Variants in ST8SIA1 observed in about 807,000 individuals in gnomAD.
The protein encoded by ST8SIA1 is ST8 alpha-N-acetyl-neuraminide alpha-2,8-sialyltransferase 1.
In ST8SIA1, 16 loss-of-function variants were observed where a neutral mutation model predicts 35.9. The ratio of observed to expected loss-of-function variants is 0.45; its 90% confidence interval spans 0.30 to 0.68. The LOEUF is 0.68. Ranked by LOEUF, ST8SIA1 falls within the 30% of genes least tolerant of loss-of-function variation. The pLI, the probability that ST8SIA1 is intolerant of heterozygous loss-of-function variation, is 0.09. For missense variants in ST8SIA1, 383 were observed against 453.6 expected, an observed-to-expected ratio of 0.84 and a Z score of 1.41; for synonymous variants, 170 against 169.6, an observed-to-expected ratio of 1.00 and a Z score of -0.02.
intron 1 of ST8SIA1, among the ~76,000 whole-genome samples, chr12:22,311,398 C>T (rs1866448163): frequency 2.6e-5 from 4 of 151,996 alleles, no homozygotes; most frequent in Admixed American, 6.6e-5. Context: ...AACTGAGAAT[C>T]GAAGGACTAG....
intron 1 of ST8SIA1, among the ~76,000 whole-genome samples, chr12:22,303,803 C>T (rs1225127878): frequency 1.3e-5 from 2 of 150,290 alleles, no homozygotes; most frequent in Admixed American, 1.3e-4. Flanking sequence ...GAAAAGGCCT[C>T]TGAAGTGGCT....
At chr12:22,214,022 C>A (rs1478377373) in intron 4 of ST8SIA1, among the ~76,000 whole-genome samples, 1 of 152,042 alleles carries the variant, frequency 6.6e-6, no homozygotes, top group East Asian at 1.9e-4. Context: ...ATATGTAACA[C>A]AATAGGAGAA....
chr12:22,316,229 C>A (rs1866518447), intron 1 of ST8SIA1, among the ~76,000 whole-genome samples: 1 of 151,968 alleles, frequency 6.6e-6, no homozygotes, highest in Admixed American at 6.6e-5. Context: ...AAAATTCTGA[C>A]AAAGAAACAG....
At chr12:22,211,358 C>T (rs1046648562) in intron 4 of ST8SIA1, among the ~76,000 whole-genome samples, 1 of 152,168 alleles carries the variant, frequency 6.6e-6, no homozygotes, top group African/African-American at 2.4e-5. Context: ...GGGGGTGGGG[C>T]TAAAAGTCTC....
In ST8SIA1 at chr12:22,260,874, G is replaced by GTT. The variant is rs757887864; in HGVS notation, c.382-5487_382-5486dup. Among the ~76,000 whole-genome samples the GTT allele has an allele frequency of 5.1e-3, 581 of 114,318 alleles. 25 individuals are homozygous for GTT. The highest frequency in any genetic ancestry group is 0.01 in the African/African-American group (302 of 29,406). The allele number at this position is 114,318 out of a possible 152,430, so 75.0% of individuals were successfully genotyped here. A position where few individuals can be genotyped will look rare whatever the true frequency, so the allele number is the denominator to read the frequency against. On this transcript the variant is annotated intron_variant, in intron 2 of 4. Transcript: ENST00000396037. Reference sequence around the variant, plus strand: ...AATTTCAAAGATTTATATAGTTGTTGTTTTTTTTTTTTTTTTTTTTGAGAC... The same window carrying GTT: ...AATTTCAAAGATTTATATAGTTGTTGTTTTTTTTTTTTTTTTTTTTTTGAGAC...
intron 2 of ST8SIA1, among the ~76,000 whole-genome samples, chr12:22,266,748 G>A (rs891663348): frequency 6.6e-6 from 1 of 151,966 alleles, no homozygotes; most frequent in Non-Finnish European, 1.5e-5. Context: ...AGTGAGCTAT[G>A]ATTGTGCCAC....
intron 1 of ST8SIA1, among the ~76,000 whole-genome samples, chr12:22,313,792 G>A (rs1388614679): frequency 2.0e-5 from 3 of 152,168 alleles, no homozygotes; most frequent in Admixed American, 1.3e-4. Context: ...GCAGGAAGGT[G>A]CCCCAGGCCA....
intron 3 of ST8SIA1, among the ~76,000 whole-genome samples, chr12:22,253,604 G>C (rs1172006455): frequency 1.3e-5 from 2 of 152,170 alleles, no homozygotes; most frequent in South Asian, 2.1e-4. Context: ...CTATAGAATT[G>C]TTCAACGCAC....
intron 2 of ST8SIA1, among the ~76,000 whole-genome samples, chr12:22,256,701 T>A (rs1865731897): frequency 6.6e-6 from 1 of 152,196 alleles, no homozygotes; most frequent in Admixed American, 6.5e-5. Flanking sequence ...TTTATTCCTT[T>A]GATTTCTAGT....
At chr12:22,250,354 T>C (rs1381009620) in intron 3 of ST8SIA1, among the ~76,000 whole-genome samples, 1 of 152,190 alleles carries the variant, frequency 6.6e-6, no homozygotes, top group Non-Finnish European at 1.5e-5. Context: ...TTCCCCAACC[T>C]TGATGTGTAC....
chr12:22,258,914 G>C (rs1395570745), intron 2 of ST8SIA1, among the ~76,000 whole-genome samples: 1 of 152,044 alleles, frequency 6.6e-6, no homozygotes, highest in Non-Finnish European at 1.5e-5. Context: ...TCCAAACTGT[G>C]GAACTATGGA....
chr12:22,333,973 GAGGAGCCGCGAGGGC>G lies in ST8SIA1; in HGVS notation c.236+9_236+23del. ...TCGGGGAGGAAAGGACGCTAGAGGG[GAGGAGCCGCGAGGGC>G]AGGAGTACCTGAACGCTCTGGCCGC... On this transcript the variant is annotated intron_variant, in intron 1 of 4. Transcript: ENST00000396037. The G allele has an allele frequency of 6.2e-7, 1 of 1,605,304 alleles. No homozygotes were observed.
chr12:22,203,618 G>C (rs544961209), intron 4 of ST8SIA1, among the ~76,000 whole-genome samples: 1 of 152,036 alleles, frequency 6.6e-6, no homozygotes, highest in Non-Finnish European at 1.5e-5. Flanking sequence ...GTAATAACAG[G>C]GTCTTTAGGT....
At chr12:22,295,318 G>A (rs1273450582) in intron 1 of ST8SIA1, among the ~76,000 whole-genome samples, 4 of 152,140 alleles carry the variant, frequency 2.6e-5, no homozygotes, top group Non-Finnish European at 5.9e-5. Context: ...TCCTGGCTGG[G>A]TCTGAGAATT....
At chr12:22,324,155 T>G (rs577509249) in intron 1 of ST8SIA1, among the ~76,000 whole-genome samples, 1 of 152,332 alleles carries the variant, frequency 6.6e-6, no homozygotes, top group African/African-American at 2.4e-5. Context: ...TTTAATGATA[T>G]TCATATGACA....
rs1865046472 is a variant in ST8SIA1 at position 22,201,390 on chromosome 12, G to A, written c.*162C>T. ...GTTTCATTTCTTATTTGTCCTCCAA[G>A]CCAACGCTGAAAGTAAAGTTTTGCT... is the stretch of plus-strand genomic sequence containing the variant. On this transcript the variant is annotated 3_prime_UTR_variant, in exon 5 of 5. Coordinates refer to ENST00000396037, the MANE Select transcript of ST8SIA1 (RefSeq NM_003034.4). The A allele has an allele frequency of 6.3e-6, 6 of 949,556 alleles. No individual in the cohort carries two copies. Among genetic ancestry groups the A allele is most frequent in the Non-Finnish European group, 9.2e-6 (6 of 654,924 alleles). The allele number at this position is 949,556 out of a possible 1,614,324, so 58.8% of individuals were successfully genotyped here. A position where few individuals can be genotyped will look rare whatever the true frequency, so the allele number is the denominator to read the frequency against.
rs66861803 is a variant in ST8SIA1, at chr12:22,195,212, A to AAAAAAAG, written c.*6339_*6340insCTTTTTT. 2 of 127,262 alleles carry AAAAAAAG rather than the reference A, an allele frequency of 1.6e-5. No individual in the cohort carries two copies. The highest frequency in any genetic ancestry group is 3.0e-5 in the African/African-American group (1 of 33,666). The allele number at this position is 127,262 out of a possible 1,614,324, so 7.9% of individuals were successfully genotyped here. ...ACAAAAAAAAAAAAAAAAAAAAAAAAGAAAGAAAGAAAGAAAGGAAAAAGA... is the reference window on the plus strand; with the variant it reads ...ACAAAAAAAAAAAAAAAAAAAAAAAAAAAAAAGGAAAGAAAGAAAGAAAGGAAAAAGA... On this transcript the variant is annotated 3_prime_UTR_variant, in exon 5 of 5. Coordinates refer to ENST00000396037, the MANE Select transcript of ST8SIA1 (RefSeq NM_003034.4).
chr12:22,226,087 C>G (rs1865354419), intron 4 of ST8SIA1, among the ~76,000 whole-genome samples: 1 of 152,164 alleles, frequency 6.6e-6, no homozygotes, highest in South Asian at 2.1e-4. Flanking sequence ...ATTTGACTCT[C>G]AGCTGTAGTG....
chr12:22,260,880 T>TG (rs1338931375), intron 2 of ST8SIA1, among the ~76,000 whole-genome samples: 1 of 146,974 alleles, frequency 6.8e-6, no homozygotes, highest in South Asian at 2.2e-4. Context: ...TGTTGTTTTT[T>TG]TTTTTTTTTT....
Sources: gnomAD v4.1 joint callset for allele counts (sites outside exome capture counted in the v4.1 genomes callset) on GRCh38, gnomAD v4.1.1 for gene constraint, MANE v1.5 for transcripts, NCBI Gene and HGNC (gene_info 2026-07-23, HGNC 2026-07-21) for gene names.